Variants in TFDP2 observed in about 807,000 individuals in gnomAD.
TFDP2 encodes the protein transcription factor Dp-2, also known as transcription factor Dp-2 (E2F dimerization partner 2).
TFDP2 carries 17 observed loss-of-function variants against 59.3 expected under a neutral mutation model. The ratio of observed to expected loss-of-function variants is 0.29; its 90% CI spans 0.20 to 0.43. TFDP2 has a LOEUF of 0.43. Ranked by LOEUF, TFDP2 falls within the 20% of genes least tolerant of loss-of-function variation. The probability of loss-of-function intolerance (pLI) is 1.00; values close to 1 mark genes in which losing one functional copy is unlikely to be tolerated. For synonymous variants in TFDP2, 180 were observed against 194.7 expected (o/e 0.92, Z 0.63); for missense variants, 391 against 528.8 (o/e 0.74, Z 2.56).
chr3:142,046,620 T>A (rs1424367887), intron 3 of TFDP2, among the ~76,000 whole-genome samples: 1 of 152,136 alleles, frequency 6.6e-6, no homozygotes, highest in Non-Finnish European at 1.5e-5. Context: ...AGTTTCTGGT[T>A]GGTAAAGATC....
chr3:142,139,595 A>G (rs1027240809), intron 1 of TFDP2, among the ~76,000 whole-genome samples: 3 of 152,116 alleles, frequency 2.0e-5, no homozygotes, highest in Admixed American at 1.3e-4. Context: ...TTGTCTGTCT[A>G]TAAAGGATTT....
chr3:142,043,219 T>C (rs1371989452), intron 3 of TFDP2, among the ~76,000 whole-genome samples: 1 of 149,922 alleles, frequency 6.7e-6, no homozygotes, highest in Non-Finnish European at 1.5e-5. Context: ...GCTAATTTTT[T>C]TGTATTTTTA....
At chr3:142,132,544 G>GA (rs1214950143) in intron 1 of TFDP2, among the ~76,000 whole-genome samples, 1 of 149,422 alleles carries the variant, frequency 6.7e-6, no homozygotes, top group Non-Finnish European at 1.5e-5. Flanking sequence ...AGGAGATCAA[G>GA]ACCATCCTGG....
Position 142,148,817 on chromosome 3 carries a change from A to G in TFDP2, c.-93+366T>C, listed in dbSNP as rs78108775. On this transcript the variant is annotated intron_variant, in intron 1 of 12. Transcript: ENST00000489671. ...AACAAACAAAACACCTGGTGGACAC[A>G]GAGGCCTGTGAGTCATGAAAGGAGA... Among the ~76,000 whole-genome samples, 443 of 152,370 alleles carry G rather than the reference A, an allele frequency of 2.9e-3. 1 individual carries two copies. Among genetic ancestry groups the G allele is most frequent in the African/African-American group, 0.01 (426 of 41,594 alleles).
At chr3:142,039,436 G>A (rs564492547) in intron 3 of TFDP2, among the ~76,000 whole-genome samples, 1 of 152,082 alleles carries the variant, frequency 6.6e-6, no homozygotes, top group African/African-American at 2.4e-5. Flanking sequence ...ACCCAGGCTG[G>A]AGTGTGGTGC....
chr3:142,013,336 C>A (rs1204600429), intron 3 of TFDP2, among the ~76,000 whole-genome samples: 3 of 152,142 alleles, frequency 2.0e-5, no homozygotes, highest in Non-Finnish European at 4.4e-5. Flanking sequence ...ATAAAAGCCA[C>A]ATGTTTAGAC....
chr3:142,140,617 G>C (rs995071067), intron 1 of TFDP2, among the ~76,000 whole-genome samples: 2 of 152,174 alleles, frequency 1.3e-5, no homozygotes, highest in East Asian at 3.8e-4. Context: ...CTAACAGTCA[G>C]GTCCTTCAGC....
chr3:142,144,476 A>T (rs2063090430), intron 1 of TFDP2, among the ~76,000 whole-genome samples: 3 of 152,228 alleles, frequency 2.0e-5, no homozygotes, highest in Admixed American at 2.0e-4. Context: ...CAGAAATCAA[A>T]TTCTAATTAG....
intron 3 of TFDP2, among the ~76,000 whole-genome samples, chr3:142,055,223 C>G (rs2059700307): frequency 6.6e-6 from 1 of 152,142 alleles, no homozygotes; most frequent in African/African-American, 2.4e-5. Context: ...TTTTATTCTT[C>G]TGGTGTGTTG....
intron 3 of TFDP2, among the ~76,000 whole-genome samples, chr3:142,010,437 C>T (rs914726802): frequency 3.9e-5 from 6 of 151,926 alleles, no homozygotes; most frequent in South Asian, 2.1e-4. Flanking sequence ...GGTGAAATTC[C>T]GTCTCTACTA....
At chr3:142,112,914 T>C (rs1284856366) in intron 1 of TFDP2, among the ~76,000 whole-genome samples, 1 of 152,260 alleles carries the variant, frequency 6.6e-6, no homozygotes, top group Non-Finnish European at 1.5e-5. Context: ...TATGTATTAT[T>C]TGTTCTTAAT....
chr3:142,084,446 A>G (rs1560126404), intron 3 of TFDP2, among the ~76,000 whole-genome samples: 2 of 152,220 alleles, frequency 1.3e-5, no homozygotes, highest in African/African-American at 4.8e-5. Context: ...TTGAGCTACC[A>G]CATGATCCAG....
At chr3:142,080,570 A>G (rs896734022) in intron 3 of TFDP2, among the ~76,000 whole-genome samples, 1 of 152,214 alleles carries the variant, frequency 6.6e-6, no homozygotes, top group African/African-American at 2.4e-5. Flanking sequence ...ATGGATAAAA[A>G]ACAAGATCCA....
Position 142,025,169 on chromosome 3 carries a change from A to C in TFDP2, c.83-19625T>G, listed in dbSNP as rs1357739190. 2.0e-5 allele frequency among the ~76,000 whole-genome samples: 3 copies of C among 152,330 alleles called. No individual in the cohort carries two copies. The East Asian group carries it at 5.8e-4, about 29-fold the overall frequency. ...TTGTTTTTTCCTTCAGACACTCCCA[A>C]CCAATTTCCAGGTAACAAACTTGAA... is the stretch of plus-strand genomic sequence containing the variant. On this transcript the variant is annotated intron_variant, in intron 3 of 12. Coordinates refer to ENST00000489671, the MANE Select transcript of TFDP2 (RefSeq NM_001178139.2).
chr3:142,087,850 A>G (rs1328837949), intron 3 of TFDP2, among the ~76,000 whole-genome samples: 2 of 152,158 alleles, frequency 1.3e-5, no homozygotes, highest in Admixed American at 6.6e-5. Context: ...TCTAATTAGC[A>G]TTACAGATTA....
chr3:142,093,649 A>G (rs2061070782), intron 2 of TFDP2, among the ~76,000 whole-genome samples: 1 of 152,216 alleles, frequency 6.6e-6, no homozygotes, highest in South Asian at 2.1e-4. Context: ...AATTTGTACT[A>G]TTCTTAATCA....
intron 3 of TFDP2, among the ~76,000 whole-genome samples, chr3:142,032,340 C>A (rs1946472330): frequency 6.6e-6 from 1 of 152,106 alleles, no homozygotes; most frequent in Non-Finnish European, 1.5e-5. Flanking sequence ...TCAAGTGATC[C>A]TCCTGCCTCC....
chr3:141,991,217 AT>A (rs1304075792), intron 6 of TFDP2, among the ~76,000 whole-genome samples: 5 of 152,252 alleles, frequency 3.3e-5, no homozygotes, highest in African/African-American at 1.2e-4. Context: ...TCTACAAACC[AT>A]CTTTTGACAT....
chr3:142,141,029 T>C (rs564493659), intron 1 of TFDP2, among the ~76,000 whole-genome samples: 6 of 152,180 alleles, frequency 3.9e-5, no homozygotes, highest in Non-Finnish European at 8.8e-5. Context: ...TCCGCCCAGT[T>C]TGAGCTTCCT....
Sources: gnomAD v4.1 joint callset for allele counts (sites outside exome capture counted in the v4.1 genomes callset) on GRCh38, gnomAD v4.1.1 for gene constraint, MANE v1.5 for transcripts, NCBI Gene and HGNC (gene_info 2026-07-23, HGNC 2026-07-21) for gene names.